MALRD1: variants seen among roughly 807,000 people sequenced by gnomAD.
MALRD1 encodes MAM and LDL receptor class A domain containing 1.
A neutral mutation model predicts 242.1 loss-of-function variants in MALRD1; 247 were observed. That is an observed-to-expected ratio of 1.02 (90% CI 0.92 to 1.13). The LOEUF (loss-of-function observed/expected upper bound fraction) is 1.13. Ranked by LOEUF, MALRD1 falls within the 50% of genes most tolerant of loss-of-function variation. MALRD1 has a pLI of 0.00. For missense variants in MALRD1, 2,989 were observed against 2,533.1 expected (o/e 1.18, Z -3.86); for synonymous variants, 995 against 866.6 (o/e 1.15, Z -2.60).
At chr10:19,578,723 A>G (rs563201247) in intron 33 of MALRD1, among the ~76,000 whole-genome samples, 3 of 151,790 alleles carry the variant, frequency 2.0e-5, no homozygotes, top group East Asian at 3.9e-4. Context: ...TTCACAGTAC[A>G]CATGACTAAG....
chr10:19,249,016 A>T (rs538836799), intron 18 of MALRD1, among the ~76,000 whole-genome samples: 2 of 146,870 alleles, frequency 1.4e-5, no homozygotes, highest in Non-Finnish European at 3.0e-5. Flanking sequence ...TATTTATATG[A>T]TATATAATAT....
intron 38 of MALRD1, among the ~76,000 whole-genome samples, chr10:19,699,791 C>A (rs980802737): frequency 1.3e-5 from 2 of 151,792 alleles, no homozygotes; most frequent in Non-Finnish European, 2.9e-5. Context: ...GTGCCACACA[C>A]TTTTAAACGA....
In MALRD1 at chr10:19,332,316, A is replaced by G. The variant is rs1379824871; in HGVS notation, c.3901+734A>G. 2.6e-5 allele frequency among the ~76,000 whole-genome samples: 4 copies of G among 152,238 alleles called. No homozygotes were observed. In the East Asian group the frequency reaches 7.7e-4, roughly 29 times the overall value. ...ATTGTCAGATGTGATAGGTTGTTAAAAAAAATCAACACCCTGATAAATACC... is the reference window on the plus strand; with the variant it reads ...ATTGTCAGATGTGATAGGTTGTTAAGAAAAATCAACACCCTGATAAATACC... On this transcript the variant is annotated intron_variant, in intron 24 of 39. Coordinates refer to ENST00000454679, the MANE Select transcript of MALRD1 (RefSeq NM_001142308.3).
At chr10:19,295,853 T>C (rs1242958784) in intron 21 of MALRD1, among the ~76,000 whole-genome samples, 1 of 152,074 alleles carries the variant, frequency 6.6e-6, no homozygotes, top group Non-Finnish European at 1.5e-5. Flanking sequence ...CATTCCAGAG[T>C]TTCTGATTTA....
chr10:19,332,679 C>T (rs1218859872), intron 24 of MALRD1, among the ~76,000 whole-genome samples: 8 of 152,140 alleles, frequency 5.3e-5, no homozygotes, highest in African/African-American at 1.9e-4. Context: ...GTATATAGAG[C>T]TTACATATAT....
At chr10:19,055,683 C>T (rs2131210359) in intron 1 of MALRD1, among the ~76,000 whole-genome samples, 1 of 152,260 alleles carries the variant, frequency 6.6e-6, no homozygotes, top group East Asian at 1.9e-4. Context: ...CTTGTGTGTT[C>T]CTGTCACTTT....
intron 8 of MALRD1, 35 bp downstream of exon 8, chr10:19,128,422 G>C: frequency 8.2e-7 from 1 of 1,220,458 alleles, no homozygotes; most frequent in Non-Finnish European, 1.0e-6. Context: ...CAAATTCATT[G>C]AATCAATGAA....
At chr10:19,131,369 G>A (rs1376670807) in intron 8 of MALRD1, among the ~76,000 whole-genome samples, 1 of 152,066 alleles carries the variant, frequency 6.6e-6, no homozygotes, top group Non-Finnish European at 1.5e-5. Flanking sequence ...GAAAAACTCA[G>A]GTGAAGGCAA....
At chr10:19,628,899 C>T (rs546778882) in intron 36 of MALRD1, among the ~76,000 whole-genome samples, 75 of 152,228 alleles carry the variant, frequency 4.9e-4, no homozygotes, top group African/African-American at 1.7e-3. Flanking sequence ...TTTTTCTTTC[C>T]GTGTTGTCAG....
intron 31 of MALRD1, among the ~76,000 whole-genome samples, chr10:19,528,360 C>T (rs966560522): frequency 3.9e-5 from 6 of 152,092 alleles, no homozygotes; most frequent in Non-Finnish European, 8.8e-5. Flanking sequence ...TTTGGGAAGC[C>T]GAGGCGGGCG....
At chr10:19,052,109 G>T in intron 1 of MALRD1, 1 of 456,224 alleles carries the variant, frequency 2.2e-6, no homozygotes, top group South Asian at 1.7e-5. Context: ...CAAAATGGCA[G>T]AATTCATATA....
intron 18 of MALRD1, among the ~76,000 whole-genome samples, chr10:19,228,163 G>A (rs1390204194): frequency 6.6e-6 from 1 of 151,730 alleles, no homozygotes; most frequent in East Asian, 1.9e-4. Context: ...TAGCAGATGT[G>A]TCCATCAACT....
intron 30 of MALRD1, among the ~76,000 whole-genome samples, chr10:19,495,605 C>A (rs1026617005): frequency 2.0e-5 from 3 of 152,076 alleles, no homozygotes; most frequent in Non-Finnish European, 4.4e-5. Context: ...AAGACCATCA[C>A]CAGCCACTAC....
At chr10:19,599,410 T>C (rs1374274864) in intron 34 of MALRD1, among the ~76,000 whole-genome samples, 1 of 152,250 alleles carries the variant, frequency 6.6e-6, no homozygotes, top group East Asian at 1.9e-4. Context: ...AGCAATATAG[T>C]TTTTATCAAA....
intron 38 of MALRD1, among the ~76,000 whole-genome samples, chr10:19,711,448 A>G (rs1834109533): frequency 6.6e-6 from 1 of 152,244 alleles, no homozygotes; most frequent in Non-Finnish European, 1.5e-5. Context: ...GGAGGTATAT[A>G]TAAAAGCAAA....
At chr10:19,567,442 G>T in intron 32 of MALRD1, 60 bp from the exon 33 acceptor site, 1 of 1,366,416 alleles carries the variant, frequency 7.3e-7, no homozygotes, top group South Asian at 1.3e-5. Flanking sequence ...TCAATCATCT[G>T]GATGTCCTGA....
At chr10:19,682,856 C>T (rs1406541120) in intron 36 of MALRD1, among the ~76,000 whole-genome samples, 1 of 152,178 alleles carries the variant, frequency 6.6e-6, no homozygotes, top group Non-Finnish European at 1.5e-5. Flanking sequence ...TTTCTCCCGC[C>T]TGGAGCCCTT....
intron 32 of MALRD1, among the ~76,000 whole-genome samples, chr10:19,534,954 T>G (rs916861301): frequency 1.3e-5 from 2 of 152,116 alleles, no homozygotes; most frequent in Non-Finnish European, 2.9e-5. Flanking sequence ...GGCGCGATCT[T>G]GGCTCGCTGC....
chr10:19,518,419 T>A (rs1833732234), intron 31 of MALRD1, among the ~76,000 whole-genome samples: 1 of 152,202 alleles, frequency 6.6e-6, no homozygotes, highest in Non-Finnish European at 1.5e-5. Flanking sequence ...ACATTCTTAA[T>A]TTTATATTTT....
Sources: allele counts gnomAD v4.1 joint callset (sites outside exome capture counted in the v4.1 genomes callset), GRCh38; gene constraint gnomAD v4.1.1; transcripts MANE v1.5; gene names NCBI Gene and HGNC (gene_info 2026-07-23, HGNC 2026-07-21).